Variants in TG observed in about 807,000 individuals in gnomAD.
TG encodes the protein thyroid hormones.
Under a neutral mutation model 324.7 loss-of-function variants are expected in TG, and 270 were observed. The observed-to-expected ratio is 0.83, with a 90% CI of 0.75 to 0.92. The LOEUF (loss-of-function observed/expected upper bound fraction) is 0.92, where lower values mean the gene tolerates loss of function less well. Ranked by LOEUF, TG falls within the 40% of genes least tolerant of loss-of-function variation. TG has a pLI of 0.00. For missense variants in TG, 3,591 were observed against 3,456.4 expected (o/e 1.04, Z -0.98); for synonymous variants, 1,401 against 1,327.0 (o/e 1.06, Z -1.21).
intron 29 of TG, among the ~76,000 whole-genome samples, chr8:132,965,195 G>A (rs553808971): frequency 6.6e-6 from 1 of 152,280 alleles, no homozygotes; most frequent in African/African-American, 2.4e-5. Context: ...CTTGTGCCAG[G>A]CATGGTTCAG....
chr8:133,089,095 G>T (rs148456530), intron 41 of TG, among the ~76,000 whole-genome samples: 122 of 152,278 alleles, frequency 8.0e-4, no homozygotes, highest in Middle Eastern at 6.8e-3. Context: ...TGCGAGGGTG[G>T]AGACATGGCA....
intron 27 of TG, among the ~76,000 whole-genome samples, chr8:132,952,876 G>A (rs1333432918): frequency 6.6e-6 from 1 of 152,200 alleles, no homozygotes; most frequent in Non-Finnish European, 1.5e-5. Flanking sequence ...TGGGGCTCAA[G>A]CCTTCAGCTT....
intron 10 of TG, among the ~76,000 whole-genome samples, chr8:132,890,402 G>A (rs1178230480): frequency 1.3e-5 from 2 of 152,164 alleles, no homozygotes; most frequent in African/African-American, 4.8e-5. Context: ...GCAATTGAAA[G>A]GGTTTGATAC....
chr8:133,083,635 A>C (rs1204615994), intron 41 of TG, among the ~76,000 whole-genome samples: 1 of 152,174 alleles, frequency 6.6e-6, no homozygotes, highest in Non-Finnish European at 1.5e-5. Context: ...TTGTCAGTGC[A>C]AGAGTCAGTA....
Position 132,923,528 on chromosome 8 carries a change from T to C in TG, c.4699+20T>C. Reference sequence around the variant, plus strand: ...GTTTGAGTAGGTGCTGGGGGTGAAATCAGTCATGGTTCCTGGGGACTGGGG... The same window carrying C: ...GTTTGAGTAGGTGCTGGGGGTGAAACCAGTCATGGTTCCTGGGGACTGGGG... On this transcript the variant is annotated intron_variant, in intron 22 of 47. Coordinates refer to ENST00000220616, the MANE Select transcript of TG (RefSeq NM_003235.5). 6.2e-7 allele frequency: 1 copy of C among 1,610,542 alleles called. No individual in the cohort carries two copies. Among genetic ancestry groups the C allele is most frequent in the Non-Finnish European group, 8.5e-7 (1 of 1,177,222 alleles).
At chr8:132,987,365 A>ACATGTG (rs1554690355) in intron 35 of TG, among the ~76,000 whole-genome samples, 3 of 151,900 alleles carry the variant, frequency 2.0e-5, no homozygotes, top group Non-Finnish European at 2.9e-5. Flanking sequence ...GGATGTGTCT[A>ACATGTG]TATGTGTATG....
Position 132,897,674 on chromosome 8 carries a change from C to G in TG, c.3027C>G (p.Arg1009=), listed in dbSNP as rs1403877315. ...CCTTAAGCTTCTATCAGAGACGCCG[C>G]TTTTCCCCGGACGACTCGGCTGGAG... The part of the protein sequence containing the change: ...QSTLSFYQRR[R]FSPDDSAGAS... The change falls in exon 12 of 48, where the codon CGC becomes CGG. Residue 1009 remains arginine (R), a synonymous_variant. Coordinates refer to ENST00000220616, the MANE Select transcript of TG (RefSeq NM_003235.5). 6.2e-7 allele frequency: 1 copy of G among 1,614,248 alleles called. No homozygotes were observed. Among genetic ancestry groups the G allele is most frequent in the South Asian group, 1.1e-5 (1 of 91,088 alleles).
chr8:132,915,746 G>A (rs891896179), intron 20 of TG, among the ~76,000 whole-genome samples: 1 of 152,216 alleles, frequency 6.6e-6, no homozygotes, highest in African/African-American at 2.4e-5. Context: ...CACAACAGAA[G>A]GTGAGCTGAA....
intron 35 of TG, among the ~76,000 whole-genome samples, chr8:132,996,832 A>AC (rs1217562502): frequency 2.0e-4 from 30 of 152,270 alleles, no homozygotes; most frequent in Admixed American, 7.2e-4. Context: ...TTAACTTTGT[A>AC]AGTCAATAGT....
At chr8:133,052,910 C>A (rs776202424) in intron 41 of TG, among the ~76,000 whole-genome samples, 2 of 152,200 alleles carry the variant, frequency 1.3e-5, no homozygotes, top group Non-Finnish European at 2.9e-5. Context: ...GTTTCCTAGT[C>A]TGGAAAATGA....
Position 132,908,177 on chromosome 8 carries a change from T to C in TG, c.3848-9T>C. On this transcript the variant is annotated splice_polypyrimidine_tract_variant and intron_variant, in intron 17 of 47. Coordinates refer to ENST00000220616, the MANE Select transcript of TG (RefSeq NM_003235.5). ...ATTGCCTCTGCTGATCTCTGGTGCT[T>C]GCCTGCAGGGCCCCAGCTGTGGCAG... 1 of 1,613,810 alleles carries C rather than the reference T, an allele frequency of 6.2e-7. No individual in the cohort carries two copies. Among genetic ancestry groups the C allele is most frequent in the Non-Finnish European group, 8.5e-7 (1 of 1,180,006 alleles).
intron 40 of TG, among the ~76,000 whole-genome samples, chr8:133,025,241 G>A (rs1030217375): frequency 3.3e-5 from 5 of 152,178 alleles, no homozygotes; most frequent in South Asian, 2.1e-4. Context: ...GCTATCTCCC[G>A]CCTGCCTCAG....
At chr8:132,988,590 A>G (rs1040142604) in intron 35 of TG, 1 of 483,766 alleles carries the variant, frequency 2.1e-6, no homozygotes, top group Non-Finnish European at 2.7e-6. Flanking sequence ...GAGGACAATT[A>G]TATCAACGGT....
At chr8:132,905,656 T>C (rs1049025473) in intron 16 of TG, among the ~76,000 whole-genome samples, 1 of 152,152 alleles carries the variant, frequency 6.6e-6, no homozygotes, top group Non-Finnish European at 1.5e-5. Flanking sequence ...CTGTGTGCCT[T>C]GGCCTGGGTG....
At chr8:133,116,886 TA>T (rs35664939) in intron 45 of TG, among the ~76,000 whole-genome samples, 170 bp downstream of exon 45, 41,285 of 149,538 alleles carry the variant, frequency 0.28, 6,208 homozygotes, top group African/African-American at 0.36. Context: ...CGGGGAAAGT[TA>T]AAAAAAAAAA....
Position 132,929,203 on chromosome 8 carries a change from G to C in TG, c.4816+11G>C. ...TGCAGTGCTTGACAGGTGAGGAGTG[G>C]TGGGGAGATATGCACTCAGAAGAAG... On this transcript the variant is annotated intron_variant, in intron 23 of 47. Coordinates refer to ENST00000220616, the MANE Select transcript of TG (RefSeq NM_003235.5). 1.2e-6 allele frequency: 2 copies of C among 1,604,530 alleles called. No homozygotes were observed. Among genetic ancestry groups the C allele is most frequent in the Non-Finnish European group, 1.7e-6 (2 of 1,171,218 alleles).
chr8:133,063,200 A>G (rs1842622910), intron 41 of TG, among the ~76,000 whole-genome samples: 1 of 151,678 alleles, frequency 6.6e-6, no homozygotes, highest in Non-Finnish European at 1.5e-5. Context: ...CTGTCATTCA[A>G]CACCTAGTGA....
chr8:132,875,040 C>A (rs1487167005), intron 5 of TG, among the ~76,000 whole-genome samples: 3 of 152,192 alleles, frequency 2.0e-5, no homozygotes, highest in Non-Finnish European at 4.4e-5. Context: ...GCCACTTACT[C>A]TCTCAGAGCC....
chr8:133,047,177 C>T (rs1314706302), intron 41 of TG: 1 of 152,192 alleles, frequency 6.6e-6, no homozygotes, highest in South Asian at 2.1e-4. Flanking sequence ...GGGACCCTTG[C>T]TTTGCATCAT....
Sources: allele counts gnomAD v4.1 joint callset (sites outside exome capture counted in the v4.1 genomes callset), GRCh38; gene constraint gnomAD v4.1.1; transcripts MANE v1.5; gene names NCBI Gene and HGNC (gene_info 2026-07-23, HGNC 2026-07-21).